The following LHFPL6 variants were observed in gnomAD, a reference collection of about 807,000 sequenced individuals.
LHFPL6 encodes LHFPL tetraspan subfamily member 6 protein.
A neutral mutation model predicts 20.6 loss-of-function variants in LHFPL6; 9 were observed. That is an observed-to-expected ratio of 0.44 (90% CI 0.26 to 0.76). LHFPL6 has a LOEUF of 0.76. Ranked by LOEUF, LHFPL6 falls within the 30% of genes least tolerant of loss-of-function variation. LHFPL6 has a pLI of 0.20. For missense variants in LHFPL6, 218 were observed against 253.5 expected, an observed-to-expected ratio of 0.86 and a Z score of 0.95; for synonymous variants, 105 against 98.7, an observed-to-expected ratio of 1.06 and a Z score of -0.38.
chr13:39,602,844 G>A (rs1270649427), intron 1 of LHFPL6, 39 bp downstream of exon 1: 1 of 152,278 alleles, frequency 6.6e-6, no homozygotes, highest in African/African-American at 2.4e-5. Flanking sequence ...AGAAAGCAGC[G>A]GAGCCCACGC....
chr13:39,540,897 A>C (rs1870775758), intron 2 of LHFPL6, among the ~76,000 whole-genome samples: 1 of 152,224 alleles, frequency 6.6e-6, no homozygotes, highest in Admixed American at 6.5e-5. Flanking sequence ...TCAAACATTT[A>C]GAACACGTTA....
Position 39,562,391 on chromosome 13 carries a change from T to TATATATAC in LHFPL6, c.385+38433_385+38440dup, listed in dbSNP as rs60704297. 3.4e-3 allele frequency among the ~76,000 whole-genome samples: 146 copies of TATATATAC among 42,980 alleles called. 5 individuals carry two copies. The highest frequency in any genetic ancestry group is 9.5e-3 in the African/African-American group (134 of 14,058). The allele number at this position is 42,980 out of a possible 152,430, so 28.2% of individuals were successfully genotyped here. A position where few individuals can be genotyped will look rare whatever the true frequency, so the allele number is the denominator to read the frequency against. The stretch of plus-strand genomic sequence containing the variant: ...ACATATATACATATATACATATACA[T>TATATATAC]ATATATACATATATACACATATACA... On this transcript the variant is annotated intron_variant, in intron 2 of 3. Transcript: ENST00000379589.
At chr13:39,431,323 A>G (rs891604215) in intron 2 of LHFPL6, among the ~76,000 whole-genome samples, 2 of 152,176 alleles carry the variant, frequency 1.3e-5, no homozygotes, top group African/African-American at 4.8e-5. Flanking sequence ...GACACATCTG[A>G]ACATCTGAAG....
chr13:39,579,242 C>T (rs1872207909), intron 2 of LHFPL6, among the ~76,000 whole-genome samples: 1 of 152,052 alleles, frequency 6.6e-6, no homozygotes, highest in African/African-American at 2.4e-5. Context: ...GGAAGGGAGC[C>T]CAGGCCAAGG....
At chr13:39,596,386 T>C (rs950739447) in intron 2 of LHFPL6, among the ~76,000 whole-genome samples, 10 of 152,166 alleles carry the variant, frequency 6.6e-5, no homozygotes, top group Non-Finnish European at 1.5e-4. Context: ...ACTCAGAACA[T>C]GGTTTTCAAG....
At position 39,426,447 on chromosome 13, in the gene LHFPL6, C is replaced by T. The variant is rs146504991; in HGVS notation, c.386-47921G>A. ...GTTGGTCAGGCTGGTCTCGAACTCC[C>T]GACCTCAGGTGATCCACCCACCTCG... On this transcript the variant is annotated intron_variant, in intron 2 of 3. Coordinates refer to ENST00000379589, the MANE Select transcript of LHFPL6 (RefSeq NM_005780.3). Among the ~76,000 whole-genome samples, 862 of 152,114 alleles carry T rather than the reference C, an allele frequency of 5.7e-3. 3 individuals are homozygous for T. The highest frequency in any genetic ancestry group is 9.0e-3 in the Non-Finnish European group (613 of 67,984).
intron 2 of LHFPL6, among the ~76,000 whole-genome samples, chr13:39,398,800 C>T (rs933528609): frequency 3.3e-5 from 5 of 152,190 alleles, no homozygotes; most frequent in African/African-American, 1.2e-4. Context: ...CTCATAGAAG[C>T]ACAAACCCTA....
At chr13:39,484,911 T>C (rs990813201) in intron 2 of LHFPL6, among the ~76,000 whole-genome samples, 1 of 152,200 alleles carries the variant, frequency 6.6e-6, no homozygotes, top group Admixed American at 6.5e-5. Flanking sequence ...GAAGGACTGA[T>C]GGACTTTTCC....
intron 2 of LHFPL6, among the ~76,000 whole-genome samples, chr13:39,534,977 G>A (rs943208473): frequency 6.6e-6 from 1 of 152,078 alleles, no homozygotes; most frequent in Non-Finnish European, 1.5e-5. Context: ...CAGGATGTTG[G>A]CAGGGCCATG....
At chr13:39,594,192 G>T (rs932167965) in intron 2 of LHFPL6, among the ~76,000 whole-genome samples, 8 of 152,022 alleles carry the variant, frequency 5.3e-5, no homozygotes, top group Non-Finnish European at 1.2e-4. Context: ...CTACAAAATG[G>T]GAGAAAATTT....
At chr13:39,412,938 A>G (rs1195605475) in intron 2 of LHFPL6, among the ~76,000 whole-genome samples, 1 of 151,362 alleles carries the variant, frequency 6.6e-6, no homozygotes, top group African/African-American at 2.4e-5. Flanking sequence ...AAAAAAAAGA[A>G]AAAAATTGTA....
At chr13:39,403,099 T>A (rs538991550) in intron 2 of LHFPL6, among the ~76,000 whole-genome samples, 1 of 152,318 alleles carries the variant, frequency 6.6e-6, no homozygotes, top group Admixed American at 6.5e-5. Context: ...ATCAGAAGTT[T>A]TCTGATTAAT....
At chr13:39,574,739 G>A (rs1005683739) in intron 2 of LHFPL6, among the ~76,000 whole-genome samples, 2 of 152,132 alleles carry the variant, frequency 1.3e-5, no homozygotes, top group East Asian at 3.9e-4. Flanking sequence ...GTACTGGCAA[G>A]TGTACCAGCA....
At chr13:39,523,908 C>A (rs11838942) in intron 2 of LHFPL6, among the ~76,000 whole-genome samples, 26 of 151,982 alleles carry the variant, frequency 1.7e-4, no homozygotes, top group African/African-American at 6.3e-4. Context: ...CATAAATAAG[C>A]TGGCGAGCTT....
chr13:39,366,218 C>T (rs1052872420), intron 3 of LHFPL6, among the ~76,000 whole-genome samples: 2 of 152,114 alleles, frequency 1.3e-5, no homozygotes, highest in Non-Finnish European at 2.9e-5. Context: ...TGCTTAAATC[C>T]TTGCAAGCAA....
At chr13:39,513,400 T>C (rs1042121629) in intron 2 of LHFPL6, among the ~76,000 whole-genome samples, 2 of 152,220 alleles carry the variant, frequency 1.3e-5, no homozygotes, top group Non-Finnish European at 2.9e-5. Flanking sequence ...CAGTCTTACT[T>C]TTGGCTTCTT....
At chr13:39,516,630 T>A (rs1022522026) in intron 2 of LHFPL6, among the ~76,000 whole-genome samples, 3 of 152,196 alleles carry the variant, frequency 2.0e-5, no homozygotes, top group African/African-American at 4.8e-5. Context: ...AATGCAGGAA[T>A]CAACAGGGAC....
chr13:39,368,191 C>A, intron 3 of LHFPL6, among the ~76,000 whole-genome samples: 1 of 151,362 alleles, frequency 6.6e-6, no homozygotes, highest in East Asian at 1.9e-4. Context: ...ATTAGCCGGG[C>A]ATTGTTGTGC....
chr13:39,538,425 C>T (rs1593354607), intron 2 of LHFPL6, among the ~76,000 whole-genome samples: 1 of 149,404 alleles, frequency 6.7e-6, no homozygotes, highest in African/African-American at 2.5e-5. Context: ...CCATGTTTAA[C>T]CTGAATTCAA....
Sources: gnomAD v4.1 joint callset for allele counts (sites outside exome capture counted in the v4.1 genomes callset) on GRCh38, gnomAD v4.1.1 for gene constraint, MANE v1.5 for transcripts, NCBI Gene and HGNC (gene_info 2026-07-23, HGNC 2026-07-21) for gene names.